Variants in LUZP2 observed in about 807,000 individuals in gnomAD.
The protein encoded by LUZP2 is leucine zipper protein 2.
Under a neutral mutation model 51.6 loss-of-function variants are expected in LUZP2, and 52 were observed. That is an observed-to-expected ratio of 1.01 (90% CI 0.81 to 1.27). The LOEUF is 1.27. Among genes scored for constraint, LUZP2 ranks in the 50% most tolerant of loss-of-function variants. The probability of loss-of-function intolerance (pLI) is 0.00; values close to 1 mark genes in which losing one functional copy is unlikely to be tolerated. For missense variants in LUZP2, 436 were observed against 395.4 expected (o/e 1.10, Z -0.87); for synonymous variants, 154 against 137.3 (o/e 1.12, Z -0.85).
intron 1 of LUZP2, among the ~76,000 whole-genome samples, chr11:24,637,375 A>G (rs536539934): frequency 2.2e-4 from 34 of 151,830 alleles, no homozygotes; most frequent in Non-Finnish European, 4.9e-4. Flanking sequence ...TAACTGTACA[A>G]ATTGTTGGTA....
At chr11:24,622,129 TA>T (rs1854516746) in intron 1 of LUZP2, among the ~76,000 whole-genome samples, 1 of 151,520 alleles carries the variant, frequency 6.6e-6, no homozygotes, top group South Asian at 2.1e-4. Flanking sequence ...CTTTTTTTTT[TA>T]ATGTTATTAT....
chr11:24,896,555 C>T (rs1430354938), intron 5 of LUZP2, among the ~76,000 whole-genome samples: 1 of 152,146 alleles, frequency 6.6e-6, no homozygotes, highest in Non-Finnish European at 1.5e-5. Flanking sequence ...CTGCAGCCTC[C>T]CATGCCCCAG....
At chr11:24,585,936 A>G (rs1218111194) in intron 1 of LUZP2, among the ~76,000 whole-genome samples, 1 of 152,186 alleles carries the variant, frequency 6.6e-6, no homozygotes, top group East Asian at 1.9e-4. Flanking sequence ...GGGGCAGAGA[A>G]ATGAACCACA....
chr11:24,914,534 T>A lies in LUZP2; in HGVS notation c.518T>A (p.Phe173Tyr), dbSNP rs144319132. 16 of 1,603,282 alleles carry A rather than the reference T, an allele frequency of 1.0e-5. No individual in the cohort carries two copies. The African/African-American group carries it at 1.6e-4, about 16-fold the overall frequency. ...ELRYGKKDLL[F>Y]KAQQLTDLEQ... is the part of the protein sequence containing the mutation. ...CGTTATGGGAAGAAGGATTTATTAT[T>A]TAAGGTGAGTCTCTTTTCTCTCTTT... The change falls in exon 7 of 12, where the codon TTT (phenylalanine) becomes TAT (tyrosine). Residue 173 changes from phenylalanine (F) to tyrosine (Y), a missense_variant. Coordinates refer to ENST00000336930, the MANE Select transcript of LUZP2 (RefSeq NM_001009909.4).
intron 5 of LUZP2, among the ~76,000 whole-genome samples, chr11:24,865,060 A>G (rs563508367): frequency 6.6e-6 from 1 of 152,286 alleles, no homozygotes; most frequent in South Asian, 2.1e-4. Flanking sequence ...GCTGGCAGAC[A>G]TGGTCATGAT....
At chr11:24,991,801 C>T (rs534744296) in intron 9 of LUZP2, among the ~76,000 whole-genome samples, 50 of 151,874 alleles carry the variant, frequency 3.3e-4, no homozygotes, top group African/African-American at 9.9e-4. Context: ...GGTTTTGAAT[C>T]GCATTTCCCT....
chr11:24,935,125 G>C (rs948234506), intron 7 of LUZP2, among the ~76,000 whole-genome samples: 4 of 152,292 alleles, frequency 2.6e-5, no homozygotes, highest in Admixed American at 2.6e-4. Flanking sequence ...GGTGTGTTGA[G>C]CAATGAATTG....
At chr11:24,932,867 G>A (rs541022477) in intron 7 of LUZP2, among the ~76,000 whole-genome samples, 7 of 152,268 alleles carry the variant, frequency 4.6e-5, no homozygotes, top group African/African-American at 1.4e-4. Context: ...TTGTTACAAA[G>A]TACAGCTGGA....
chr11:24,765,679 G>A (rs1860164061), intron 5 of LUZP2, among the ~76,000 whole-genome samples: 1 of 147,226 alleles, frequency 6.8e-6, no homozygotes, highest in South Asian at 2.1e-4. Context: ...CCAGGCTGGA[G>A]TGCCGTGGCT....
At chr11:24,741,601 T>C (rs953568406) in intron 4 of LUZP2, among the ~76,000 whole-genome samples, 1 of 151,420 alleles carries the variant, frequency 6.6e-6, no homozygotes, top group Non-Finnish European at 1.5e-5. Context: ...AAGTCCATTG[T>C]ATCATTCTTA....
chr11:24,866,724 G>GTTTGGGAC (rs1409409747), intron 5 of LUZP2, among the ~76,000 whole-genome samples: 4 of 152,190 alleles, frequency 2.6e-5, no homozygotes. Context: ...TAAGAAAGTT[G>GTTTGGGAC]TTTGGGACTT....
chr11:24,699,086 AACAC>A (rs67317108), intron 1 of LUZP2, among the ~76,000 whole-genome samples: 6,343 of 138,390 alleles, frequency 0.046, 172 homozygotes, highest in African/African-American at 0.078. Context: ...AAACCACAGA[AACAC>A]ACACACACAC....
intron 1 of LUZP2, among the ~76,000 whole-genome samples, chr11:24,566,711 G>A (rs1590188463): frequency 6.9e-6 from 1 of 144,388 alleles, no homozygotes; most frequent in Admixed American, 7.0e-5. Flanking sequence ...ATGTGTGTGT[G>A]TATATATATG....
rs536785814 is a variant in LUZP2 at position 24,743,204 on chromosome 11, G to GTT, written c.333+4908_333+4909dup. ...TTGTTTCCATATAAATTTTAGAATT[G>GTT]TTTTTTTCTAATTCTGAGAAGAATG... is the stretch of plus-strand genomic sequence containing the variant. On this transcript the variant is annotated intron_variant, in intron 4 of 11. Transcript: ENST00000336930. Among the ~76,000 whole-genome samples, 16 of 151,938 alleles carry GTT rather than the reference G, an allele frequency of 1.1e-4. No individual in the cohort carries two copies. In the South Asian group the frequency reaches 3.1e-3, roughly 30 times the overall value.
At chr11:24,988,976 G>A (rs1422926372) in intron 9 of LUZP2, among the ~76,000 whole-genome samples, 2 of 151,686 alleles carry the variant, frequency 1.3e-5, no homozygotes, top group Non-Finnish European at 2.9e-5. Flanking sequence ...GCCTGTGAGA[G>A]AAAATAGGGA....
At chr11:25,008,841 G>A (rs757493349) in intron 9 of LUZP2, among the ~76,000 whole-genome samples, 2 of 152,124 alleles carry the variant, frequency 1.3e-5, no homozygotes, top group Non-Finnish European at 1.5e-5. Flanking sequence ...AAGGGGAAGT[G>A]TGTGCTGATT....
chr11:24,989,473 T>G (rs377036182), intron 9 of LUZP2, among the ~76,000 whole-genome samples: 6 of 152,090 alleles, frequency 3.9e-5, no homozygotes, highest in African/African-American at 1.4e-4. Context: ...CTAAAGAAGC[T>G]AATGTTATGG....
Position 25,047,820 on chromosome 11 carries a change from A to T in LUZP2, c.766-2218A>T, listed in dbSNP as rs765516086. ...ACCTCTGATTTGAAATATCCAAGGG[A>T]CCCCTGCTTTGGGTATTTTTGTTTA... is the stretch of plus-strand genomic sequence containing the variant. On this transcript the variant is annotated intron_variant, in intron 9 of 11. Transcript: ENST00000336930. Among the ~76,000 whole-genome samples, 33 of 151,900 alleles carry T rather than the reference A, an allele frequency of 2.2e-4. 1 individual carries two copies. Among genetic ancestry groups the T allele is most frequent in the Non-Finnish European group, 4.7e-4 (32 of 67,990 alleles).
At chr11:24,948,763 T>A (rs75037782) in intron 7 of LUZP2, among the ~76,000 whole-genome samples, 2,058 of 151,712 alleles carry the variant, frequency 0.014, 40 homozygotes, top group African/African-American at 0.043. Flanking sequence ...TTCCACATTG[T>A]TGACTCTTGG....
Sources: gnomAD v4.1 joint callset for allele counts (sites outside exome capture counted in the v4.1 genomes callset) on GRCh38, gnomAD v4.1.1 for gene constraint, MANE v1.5 for transcripts, NCBI Gene and HGNC (gene_info 2026-07-23, HGNC 2026-07-21) for gene names.